Variants in CRB1 observed in about 807,000 individuals in gnomAD.
CRB1 encodes protein crumbs homolog 1.
CRB1 carries 83 observed loss-of-function variants against 120.0 expected under a neutral mutation model. The ratio of observed to expected loss-of-function variants is 0.69; its 90% CI spans 0.58 to 0.83. The LOEUF (loss-of-function observed/expected upper bound fraction) is 0.83, where lower values mean the gene tolerates loss of function less well. CRB1 is among the 40% of genes least tolerant of loss of function. CRB1 has a pLI of 0.00. For missense variants in CRB1, 1,699 were observed against 1,687.6 expected, an observed-to-expected ratio of 1.01 and a Z score of -0.12; for synonymous variants, 625 against 612.5, an observed-to-expected ratio of 1.02 and a Z score of -0.30.
At chr1:197,330,906 A>G (rs1658812991) in intron 2 of CRB1, among the ~76,000 whole-genome samples, 1 of 152,204 alleles carries the variant, frequency 6.6e-6, no homozygotes, top group Admixed American at 6.5e-5. Context: ...TAAGAAGAGG[A>G]GTCCTCGGCC....
intron 5 of CRB1, 126 bp downstream of exon 5, chr1:197,357,139 G>A: frequency 3.2e-6 from 3 of 951,374 alleles, no homozygotes; most frequent in South Asian, 2.7e-5. Context: ...GGTGCAAAGG[G>A]TCCCCCTTGT....
At chr1:197,453,120 T>C (rs1666048496) in intron 11 of CRB1, among the ~76,000 whole-genome samples, 1 of 151,784 alleles carries the variant, frequency 6.6e-6, no homozygotes, top group Non-Finnish European at 1.5e-5. Context: ...TACCCAATTA[T>C]AGAAGGACAA....
At chr1:197,203,137 GA>G in the CRB1 span, among the ~76,000 whole-genome samples, 1 of 152,126 alleles carries the variant, frequency 6.6e-6, no homozygotes, top group East Asian at 1.9e-4. Context: ...AATAGATGCA[GA>G]AAAATATTTG....
At chr1:197,349,530 A>T (rs1452798683) in intron 4 of CRB1, among the ~76,000 whole-genome samples, 1 of 152,158 alleles carries the variant, frequency 6.6e-6, no homozygotes, top group African/African-American at 2.4e-5. Flanking sequence ...CTCTCTCCCC[A>T]CTAACTTTAT....
the CRB1 span, among the ~76,000 whole-genome samples, chr1:197,218,534 C>T: frequency 1.3e-5 from 2 of 152,156 alleles, no homozygotes; most frequent in Non-Finnish European, 2.9e-5. Flanking sequence ...CTATTGATGA[C>T]CTCTATTCTG....
intron 7 of CRB1, chr1:197,429,111 AAGAATCCCTTCCTCAAATGATAAT>A (rs1558133262): frequency 3.9e-6 from 6 of 1,528,572 alleles, no homozygotes; most frequent in Middle Eastern, 1.7e-4. Flanking sequence ...AACCAGGAGT[AAGAATCCCTTCCTCAAATGATAAT>A]TAGTGCATGT....
intron 11 of CRB1, among the ~76,000 whole-genome samples, chr1:197,467,391 T>C (rs1442439617): frequency 6.6e-6 from 1 of 152,134 alleles, no homozygotes; most frequent in African/African-American, 2.4e-5. Context: ...CACTAAGTAT[T>C]TTAGTATCTC....
intron 1 of CRB1, among the ~76,000 whole-genome samples, chr1:197,296,126 T>C (rs1234794121): frequency 3.3e-5 from 5 of 152,060 alleles, no homozygotes; most frequent in South Asian, 2.1e-4. Flanking sequence ...TCTTGGACTA[T>C]TTTTCTATCT....
At chr1:197,451,579 G>T (rs1665975285) in intron 11 of CRB1, among the ~76,000 whole-genome samples, 1 of 152,122 alleles carries the variant, frequency 6.6e-6, no homozygotes, top group Non-Finnish European at 1.5e-5. Context: ...TGTCGATTCT[G>T]CCCCATTCAG....
chr1:197,282,775 G>A (rs574773951), intron 1 of CRB1, among the ~76,000 whole-genome samples: 2 of 151,820 alleles, frequency 1.3e-5, no homozygotes, highest in Non-Finnish European at 2.9e-5. Flanking sequence ...TGTTCTCAAT[G>A]TCTCTCACTA....
At chr1:197,245,509 TA>T in the CRB1 span, among the ~76,000 whole-genome samples, 1 of 151,926 alleles carries the variant, frequency 6.6e-6, no homozygotes, top group Non-Finnish European at 1.5e-5. Flanking sequence ...CCCCATCTCT[TA>T]AAACAAAAAA....
At chr1:197,381,901 G>T (rs1571437036) in intron 5 of CRB1, among the ~76,000 whole-genome samples, 1 of 152,136 alleles carries the variant, frequency 6.6e-6, no homozygotes, top group East Asian at 1.9e-4. Context: ...TAATTTATGG[G>T]CTTTAAGCAG....
Position 197,442,275 on chromosome 1 carries a change from G to A in CRB1, c.3988G>A (p.Glu1330Lys), listed in dbSNP as rs1372774777. ...CCTCTGTGATGTTGCCTTTGCTGGC[G>A]AGCGCTGCGAGGTGGACGTAAGCAG... is the stretch of plus-strand genomic sequence containing the variant. The part of the protein sequence containing the change: ...QCLCDVAFAG[E>K]RCEVDLADDL... The change falls in exon 11 of 12, where the codon GAG (glutamate) becomes AAG (lysine). Residue 1330 changes from glutamate (E) to lysine (K), a missense_variant. Transcript: ENST00000367400. 3.7e-6 allele frequency: 6 copies of A among 1,614,046 alleles called. No individual in the cohort carries two copies. The highest frequency in any genetic ancestry group is 3.3e-5 in the South Asian group (3 of 91,066).
At chr1:197,348,579 C>A (rs536991540) in intron 4 of CRB1, among the ~76,000 whole-genome samples, 21 of 152,284 alleles carry the variant, frequency 1.4e-4, no homozygotes, top group African/African-American at 4.3e-4. Flanking sequence ...CGGGTTCACA[C>A]CATTTTCCTG....
At chr1:197,263,215 ATTCT>A (rs1654553668), upstream of CRB1, among the ~76,000 whole-genome samples, 1 of 152,132 alleles carries the variant, frequency 6.6e-6, no homozygotes, top group South Asian at 2.1e-4. Context: ...AAAAAAAAAT[ATTCT>A]TTCTGACTGG....
Position 197,328,451 on chromosome 1 carries a change from T to C in CRB1, c.100T>C (p.Cys34Arg). The stretch of plus-strand genomic sequence containing the variant: ...CTTTTGCAATAAAAACAACACCAGG[T>C]GCCTCTCAAATTCTTGCCAAAACAA... Reference protein sequence around the residue: ...NSFCNKNNTRCLSNSCQNNST... With the variant: ...NSFCNKNNTRRLSNSCQNNST... The change falls in exon 2 of 12, where the codon TGC (cysteine) becomes CGC (arginine). Residue 34 changes from cysteine to arginine, a missense_variant. Transcript: ENST00000367400. 1 of 1,614,066 alleles carries C rather than the reference T, an allele frequency of 6.2e-7. No homozygotes were observed. Among genetic ancestry groups the C allele is most frequent in the Non-Finnish European group, 8.5e-7 (1 of 1,179,896 alleles).
At chr1:197,370,039 G>C (rs886251874) in intron 5 of CRB1, among the ~76,000 whole-genome samples, 2 of 151,984 alleles carry the variant, frequency 1.3e-5, no homozygotes, top group African/African-American at 4.8e-5. Flanking sequence ...TTTGTATCCA[G>C]CGAAACTGAG....
chr1:197,248,194 G>T, the CRB1 span, among the ~76,000 whole-genome samples: 1 of 151,932 alleles, frequency 6.6e-6, no homozygotes, highest in East Asian at 1.9e-4. Flanking sequence ...GAGTTCCGAG[G>T]TTTGTGATTG....
the CRB1 span, among the ~76,000 whole-genome samples, chr1:197,217,681 A>G: frequency 6.6e-6 from 1 of 152,148 alleles, no homozygotes; most frequent in Non-Finnish European, 1.5e-5. Context: ...GGAATGGGGA[A>G]TTATTGCTAT....
Sources: gnomAD v4.1 joint callset for allele counts (sites outside exome capture counted in the v4.1 genomes callset) on GRCh38, gnomAD v4.1.1 for gene constraint, MANE v1.5 for transcripts, NCBI Gene and HGNC (gene_info 2026-07-23, HGNC 2026-07-21) for gene names.